WDFY3: variants seen among roughly 807,000 people sequenced by gnomAD.
WDFY3 encodes the protein WD repeat and FYVE domain containing 3, also known as WD repeat and FYVE domain-containing protein 3.
WDFY3 carries 66 observed loss-of-function variants against 409.6 expected under a neutral mutation model. That is an observed-to-expected ratio of 0.16 (90% CI 0.13 to 0.20). WDFY3 has a LOEUF of 0.20. Ranked by LOEUF, WDFY3 falls within the 10% of genes least tolerant of loss-of-function variation. WDFY3 has a pLI of 1.00. For missense variants in WDFY3, 3,031 were observed against 4,298.1 expected, an observed-to-expected ratio of 0.71 and a Z score of 8.24; for synonymous variants, 1,521 against 1,537.1, an observed-to-expected ratio of 0.99 and a Z score of 0.25.
chr4:84,962,746 T>C (rs1476425652), intron 1 of WDFY3, among the ~76,000 whole-genome samples: 1 of 150,908 alleles, frequency 6.6e-6, no homozygotes, highest in African/African-American at 2.4e-5. Flanking sequence ...CCATCTCAGC[T>C]CACTGCAACC....
chr4:84,794,779 T>C (rs745472855), intron 20 of WDFY3, 42 bp from the exon 21 acceptor site: 2 of 1,529,660 alleles, frequency 1.3e-6, no homozygotes, highest in Non-Finnish European at 1.8e-6. Flanking sequence ...TTGATTAATA[T>C]TTATATTTTT....
rs542516524 is a variant in WDFY3, at chr4:84,735,223, C to G, written c.6916-103G>C. On this transcript the variant is annotated intron_variant, in intron 42 of 67. Coordinates refer to ENST00000295888, the MANE Select transcript of WDFY3 (RefSeq NM_014991.6). Reference sequence around the variant, plus strand: ...GCTAAATAATTGGTTAAAATTCTGCCAAAAGCACCAAAACAGAAAACTAAA... The same window carrying G: ...GCTAAATAATTGGTTAAAATTCTGCGAAAAGCACCAAAACAGAAAACTAAA... 4.0e-3 allele frequency: 4,132 copies of G among 1,042,788 alleles called. 29 individuals carry two copies. The highest frequency in any genetic ancestry group is 4.3e-3 in the Non-Finnish European group (3,105 of 723,956). The allele number at this position is 1,042,788 out of a possible 1,614,324, so 64.6% of individuals were successfully genotyped here. A position where few individuals can be genotyped will look rare whatever the true frequency, so the allele number is the denominator to read the frequency against.
chr4:84,747,355 A>G (rs973747211), intron 36 of WDFY3, among the ~76,000 whole-genome samples: 2 of 152,270 alleles, frequency 1.3e-5, no homozygotes, highest in African/African-American at 4.8e-5. Context: ...GAGACTCCTG[A>G]TTCTGACTGT....
chr4:84,837,205 C>A, intron 6 of WDFY3, 115 bp from the exon 7 acceptor site: 1 of 880,658 alleles, frequency 1.1e-6, no homozygotes, highest in Non-Finnish European at 1.5e-6. Flanking sequence ...TTTTAAAATG[C>A]ATGTAAGAAT....
In WDFY3 at chr4:84,918,838, T is replaced by TACAC. The variant is rs1464316179; in HGVS notation, c.-132+13428_-132+13431dup. Among the ~76,000 whole-genome samples the TACAC allele has an allele frequency of 1.0e-4, 15 of 149,912 alleles. No homozygotes were observed. The East Asian group carries it at 2.3e-3, about 23-fold the overall frequency. On this transcript the variant is annotated intron_variant, in intron 2 of 67. Transcript: ENST00000295888. ...GTGTATATATATATAGATATATATATACACACACACACATATATATATATA... is the reference window on the plus strand; with the variant it reads ...GTGTATATATATATAGATATATATATACACACACACACACACATATATATATATA...
intron 6 of WDFY3, among the ~76,000 whole-genome samples, chr4:84,837,898 T>C (rs577702020): frequency 2.9e-4 from 44 of 152,252 alleles, no homozygotes; most frequent in African/African-American, 1.1e-3. Flanking sequence ...AGACGAAGCA[T>C]CTCTGTCCTT....
Position 84,798,065 on chromosome 4 carries a change from C to T in WDFY3, c.2866G>A (p.Asp956Asn), listed in dbSNP as rs1212910105. 2 of 1,613,352 alleles carry T rather than the reference C, an allele frequency of 1.2e-6. No individual in the cohort carries two copies. Among genetic ancestry groups the T allele is most frequent in the Admixed American group, 1.7e-5 (1 of 59,936 alleles). The change falls in exon 18 of 68, where the codon GAC becomes AAC. Residue 956 changes from aspartate to asparagine, a missense_variant. Physicochemically the swap from Asp to Asn is conservative, Grantham distance 23. This residue lies in a region of WDFY3 where 1,322 missense variants were observed against 1,697.9 expected (regional missense o/e 0.78). Transcript: ENST00000295888. ...LASPLNCGAW[D>N]KKLLKQYRVH... is the part of the protein sequence containing the mutation. The stretch of plus-strand genomic sequence containing the variant: ...CTATATTGTTTTAGCAGTTTTTTGT[C>T]CCAGGCACCACAATTTAAAGGACTT...
In WDFY3 at chr4:84,803,436, C is replaced by T; in HGVS notation, c.2461G>A (p.Val821Ile). The change falls in exon 16 of 68, where the codon GTT becomes ATT. Residue 821 changes from valine to isoleucine, a missense_variant. By Grantham distance (29) the Val-to-Ile change is conservative. Transcript: ENST00000295888. ...TCGGCAACATTTTTAGGAGGGTAAACAGGGGGAGTTGAAACAGAATGATAT... is the reference window on the plus strand; with the variant it reads ...TCGGCAACATTTTTAGGAGGGTAAATAGGGGGAGTTGAAACAGAATGATAT... ...HAYHSVSTPP[V>I]YPPKNVADLK... The T allele has an allele frequency of 6.2e-7, 1 of 1,613,588 alleles. No homozygotes were observed. The highest frequency in any genetic ancestry group is 8.5e-7 in the Non-Finnish European group (1 of 1,179,840).
intron 21 of WDFY3, among the ~76,000 whole-genome samples, chr4:84,791,779 C>T (rs1479817351): frequency 2.0e-5 from 3 of 152,090 alleles, no homozygotes; most frequent in Admixed American, 1.3e-4. Flanking sequence ...CTTTGTCCCA[C>T]GTATATAAAT....
At chr4:84,737,592 C>G (rs1234858193) in intron 40 of WDFY3, among the ~76,000 whole-genome samples, 2 of 151,772 alleles carry the variant, frequency 1.3e-5, no homozygotes, top group African/African-American at 4.8e-5. Flanking sequence ...TATATTCATA[C>G]AAAAGAACAT....
intron 12 of WDFY3, 97 bp from the exon 13 acceptor site, chr4:84,817,682 A>C: frequency 9.1e-7 from 1 of 1,100,312 alleles, no homozygotes; most frequent in Non-Finnish European, 1.3e-6. Flanking sequence ...TAGGTAAAGT[A>C]ACTCATAATA....
At chr4:84,726,603 G>A (rs1277974754) in intron 45 of WDFY3, among the ~76,000 whole-genome samples, 1 of 152,020 alleles carries the variant, frequency 6.6e-6, no homozygotes, top group African/African-American at 2.4e-5. Context: ...TATAGTGAGA[G>A]CAGTGAAAAC....
intron 32 of WDFY3, among the ~76,000 whole-genome samples, chr4:84,760,615 G>A (rs1239584043): frequency 2.0e-5 from 3 of 152,166 alleles, no homozygotes; most frequent in African/African-American, 7.2e-5. Context: ...AGTATTCTCT[G>A]ATGGTAGCTT....
At chr4:84,703,574 G>A (rs1309783144) in intron 55 of WDFY3, among the ~76,000 whole-genome samples, 1 of 152,150 alleles carries the variant, frequency 6.6e-6, no homozygotes, top group South Asian at 2.1e-4. Flanking sequence ...CCCCCGGGCT[G>A]CTCCTCGAAC....
intron 6 of WDFY3, among the ~76,000 whole-genome samples, chr4:84,838,870 C>T: frequency 6.6e-6 from 1 of 152,048 alleles, no homozygotes; most frequent in Non-Finnish European, 1.5e-5. Flanking sequence ...CTATATATGC[C>T]CCATTATTAA....
intron 24 of WDFY3, 151 bp downstream of exon 24, chr4:84,785,828 T>G: frequency 1.1e-6 from 1 of 929,616 alleles, no homozygotes; most frequent in Non-Finnish European, 1.6e-6. Flanking sequence ...TGTTTTGGCC[T>G]ACATTTGAAG....
At chr4:84,763,115 T>C (rs190538442) in intron 32 of WDFY3, among the ~76,000 whole-genome samples, 5,828 of 152,254 alleles carry the variant, frequency 0.038, 332 homozygotes, top group African/African-American at 0.13. Context: ...CCCCTATAAT[T>C]AATCTTAAGG....
At chr4:84,747,251 C>G (rs922045471) in intron 36 of WDFY3, among the ~76,000 whole-genome samples, 5 of 152,132 alleles carry the variant, frequency 3.3e-5, no homozygotes, top group African/African-American at 9.7e-5. Context: ...CATCTGCTGC[C>G]CATGGGTAGA....
chr4:84,701,188 A>C (rs564559414), intron 56 of WDFY3, among the ~76,000 whole-genome samples: 5 of 152,208 alleles, frequency 3.3e-5, no homozygotes, highest in Non-Finnish European at 7.4e-5. Context: ...TGACTATTCT[A>C]TTCTTTTGGG....
Sources: gnomAD v4.1 joint callset for allele counts (sites outside exome capture counted in the v4.1 genomes callset) on GRCh38, gnomAD v4.1.1 for gene constraint, gnomAD v4.1.1 regional missense constraint, MANE v1.5 for transcripts, NCBI Gene and HGNC (gene_info 2026-07-23, HGNC 2026-07-21) for gene names.